LAMA4: variants seen among roughly 807,000 people sequenced by gnomAD.
LAMA4 encodes laminin subunit alpha-4.
In LAMA4, 127 loss-of-function variants were observed where a neutral mutation model predicts 207.1. That is an observed-to-expected ratio of 0.61 (90% CI 0.53 to 0.71). The LOEUF is 0.71. Among genes scored for constraint, LAMA4 ranks in the 30% least tolerant of loss-of-function variants. The pLI is 0.00. For missense variants in LAMA4, 2,093 were observed against 2,246.5 expected, an observed-to-expected ratio of 0.93 and a Z score of 1.38; for synonymous variants, 761 against 816.0, an observed-to-expected ratio of 0.93 and a Z score of 1.15.
rs782162498 is a variant in LAMA4, at chr6:112,142,187, G to C, written c.2599C>G (p.Pro867Ala). 6.2e-7 allele frequency: 1 copy of C among 1,613,962 alleles called. No individual in the cohort carries two copies. The highest frequency in any genetic ancestry group is 8.5e-7 in the Non-Finnish European group (1 of 1,180,010). Residue 867 changes from proline (P) to alanine (A), a missense_variant, in exon 20 of 39, where the codon CCC (proline) becomes GCC (alanine). By Grantham distance (27) the Pro-to-Ala change is conservative (BLOSUM62 -1). Transcript: ENST00000230538. The part of the protein sequence containing the change: ...AFTSLSLYMK[P>A]PVKRPELTET... ...GTCAGTTCCGGCCGCTTCACAGGGGGTTTCATGTACAGGCTCAGAGACGTG... is the reference window on the plus strand; with the variant it reads ...GTCAGTTCCGGCCGCTTCACAGGGGCTTTCATGTACAGGCTCAGAGACGTG...
chr6:112,198,476 C>T (rs1783550241), intron 5 of LAMA4, among the ~76,000 whole-genome samples: 1 of 152,116 alleles, frequency 6.6e-6, no homozygotes, highest in Non-Finnish European at 1.5e-5. Context: ...AAGAGCTTGG[C>T]TGTTCAAGCA....
At chr6:112,218,951 A>G (rs1784782592) in intron 2 of LAMA4, 1 of 152,180 alleles carries the variant, frequency 6.6e-6, no homozygotes, top group African/African-American at 2.4e-5. Context: ...GCTAGAGCAC[A>G]TGTCCTGGGT....
intron 2 of LAMA4, among the ~76,000 whole-genome samples, chr6:112,239,474 G>T (rs1786218282): frequency 6.6e-6 from 1 of 152,154 alleles, no homozygotes; most frequent in Admixed American, 6.5e-5. Flanking sequence ...GGCTAGAGGA[G>T]GAGGAGAAAT....
At position 112,148,275 on chromosome 6, in the gene LAMA4, C is replaced by T. The variant is rs1220496259; in HGVS notation, c.2235G>A (p.Thr745=). ...RLITEEANRT[T]MEVQQATAPM... ...GGGCAGTGGCCTGCTGCACCTCCAT[C>T]GTCGTCCTGTTGGCTTCCTCGGTGA... The change falls in exon 18 of 39, where the codon ACG becomes ACA. Residue 745 remains threonine, a synonymous_variant. Transcript: ENST00000230538. 14 of 1,614,088 alleles carry T rather than the reference C, an allele frequency of 8.7e-6. No individual in the cohort carries two copies. Among genetic ancestry groups the T allele is most frequent in the Admixed American group, 1.7e-5 (1 of 60,016 alleles).
intron 5 of LAMA4, among the ~76,000 whole-genome samples, chr6:112,195,436 T>C (rs1295022586): frequency 1.3e-5 from 2 of 152,194 alleles, no homozygotes; most frequent in Non-Finnish European, 2.9e-5. Context: ...AAAAACTTGA[T>C]GTCTTCAGAG....
intron 2 of LAMA4, among the ~76,000 whole-genome samples, chr6:112,239,049 G>C (rs1161056776): frequency 6.6e-6 from 1 of 152,120 alleles, no homozygotes; most frequent in African/African-American, 2.4e-5. Context: ...GGCTGGGTGC[G>C]GTGGCTCATG....
At chr6:112,185,119 G>A (rs569398264) in intron 9 of LAMA4, 118 bp downstream of exon 9, 4 of 769,188 alleles carry the variant, frequency 5.2e-6, no homozygotes, top group East Asian at 2.4e-5. Flanking sequence ...AAGGCACATG[G>A]GTCACTGCAT....
intron 8 of LAMA4, chr6:112,186,660 G>C: frequency 2.5e-6 from 1 of 395,774 alleles, no homozygotes; most frequent in Admixed American, 3.2e-5. Context: ...ATCATCTCTA[G>C]ATTACTTATA....
At chr6:112,249,486 A>ACTAGAAGTATTC (rs1787272712) in intron 2 of LAMA4, among the ~76,000 whole-genome samples, 1 of 149,894 alleles carries the variant, frequency 6.7e-6, no homozygotes, top group Non-Finnish European at 1.5e-5. Context: ...CAAAACTTTG[A>ACTAGAAGTATTC]CTAGAAGTAT....
intron 13 of LAMA4, among the ~76,000 whole-genome samples, chr6:112,161,315 A>G (rs782313996): frequency 2.0e-5 from 3 of 152,218 alleles, no homozygotes; most frequent in Non-Finnish European, 2.9e-5. Context: ...CCTAGGAGGC[A>G]GGAACTGAGT....
chr6:112,141,611 C>T, intron 20 of LAMA4, 108 bp from the exon 21 acceptor site: 1 of 868,398 alleles, frequency 1.2e-6, no homozygotes, highest in African/African-American at 1.7e-5. Context: ...ATACAAGTGA[C>T]TTCTGGCCTG....
intron 2 of LAMA4, among the ~76,000 whole-genome samples, chr6:112,245,273 G>A (rs1349105729): frequency 5.9e-5 from 9 of 152,198 alleles, no homozygotes; most frequent in African/African-American, 1.7e-4. Flanking sequence ...TTCAGAACCC[G>A]AATTTGTGCT....
intron 2 of LAMA4, 134 bp from the exon 3 acceptor site, chr6:112,216,603 A>G (rs543555874): frequency 1.4e-6 from 1 of 699,002 alleles, no homozygotes; most frequent in Non-Finnish European, 2.6e-6. Flanking sequence ...AATGATACAT[A>G]CAAAACATAC....
At chr6:112,217,741 C>G (rs1014531563) in intron 2 of LAMA4, 33 of 152,008 alleles carry the variant, frequency 2.2e-4, no homozygotes, top group African/African-American at 7.2e-4. Flanking sequence ...TCCACATTTC[C>G]AAGTTAGAGA....
intron 9 of LAMA4, 54 bp downstream of exon 9, chr6:112,185,183 A>T: frequency 8.4e-7 from 1 of 1,191,594 alleles, no homozygotes. Context: ...GCCTCACATC[A>T]GCTAAATCCT....
Position 112,187,489 on chromosome 6 carries a change from C to T in LAMA4, c.927G>A (p.Arg309=), listed in dbSNP as rs781814701. 6.8e-6 allele frequency: 11 copies of T among 1,613,966 alleles called. No homozygotes were observed. In the South Asian group the frequency reaches 1.2e-4, roughly 18 times the overall value. ...TGGTGGCGTTGATTTCATTCACGTG[C>T]CTATGAGCGGCGGCCCCAGAGGATA... ...LSVSSGAAAH[R]HVNEINATIY... Residue 309 remains arginine, a synonymous_variant, in exon 8 of 39, where the codon AGG becomes AGA. Coordinates refer to ENST00000230538, the MANE Select transcript of LAMA4 (RefSeq NM_001105206.3).
chr6:112,220,696 T>G (rs1784876500), intron 2 of LAMA4, among the ~76,000 whole-genome samples: 1 of 152,156 alleles, frequency 6.6e-6, no homozygotes, highest in South Asian at 2.1e-4. Flanking sequence ...AAGAGCCCCT[T>G]GAGAGCACTA....
In LAMA4 at chr6:112,132,874, T is replaced by C; in HGVS notation, c.3713A>G (p.Tyr1238Cys). Residue 1238 changes from tyrosine (Y) to cysteine (C), a missense_variant, in exon 28 of 39, where the codon TAT becomes TGT. This residue lies in a region of LAMA4 where 1,704 missense variants were observed against 1,788.4 expected (regional missense o/e 0.95). Transcript: ENST00000230538. ...AGCAATGAAGCTCTGTCCATTGAAA[T>C]ATGCTCTGCGAGATATCTGTGTGCC... ...PEDSLISRRA[Y>C]FNGQSFIASI... 1 of 1,613,196 alleles carries C rather than the reference T, an allele frequency of 6.2e-7. No homozygotes were observed.
chr6:112,233,494 T>C (rs1327625047), intron 2 of LAMA4, among the ~76,000 whole-genome samples: 1 of 152,216 alleles, frequency 6.6e-6, no homozygotes, highest in Non-Finnish European at 1.5e-5. Flanking sequence ...ATTTAAGCTG[T>C]ATCTGTAACT....
Sources: gnomAD v4.1 joint callset for allele counts (sites outside exome capture counted in the v4.1 genomes callset) on GRCh38, gnomAD v4.1.1 for gene constraint, gnomAD v4.1.1 regional missense constraint, MANE v1.5 for transcripts, NCBI Gene and HGNC (gene_info 2026-07-23, HGNC 2026-07-21) for gene names.